The following PPM1L variants were observed in gnomAD, a reference collection of about 807,000 sequenced individuals.
PPM1L encodes the protein protein phosphatase 1L.
PPM1L carries 13 observed loss-of-function variants against 31.4 expected under a neutral mutation model. The observed-to-expected ratio is 0.41, with a 90% CI of 0.27 to 0.66. The LOEUF (loss-of-function observed/expected upper bound fraction) is 0.66, where lower values mean the gene tolerates loss of function less well. PPM1L is among the 30% of genes least tolerant of loss of function. The pLI is 0.29. For missense variants in PPM1L, 326 were observed against 453.7 expected (o/e 0.72, Z 2.56); for synonymous variants, 184 against 175.4 (o/e 1.05, Z -0.39).
chr3:160,800,565 TTC>T (rs1421616029), intron 1 of PPM1L, among the ~76,000 whole-genome samples: 1 of 152,204 alleles, frequency 6.6e-6, no homozygotes, highest in Non-Finnish European at 1.5e-5. Flanking sequence ...CTGAGTTTTT[TTC>T]TTTTTTCTTT....
At chr3:161,064,739 CG>C (rs1719672430) in intron 2 of PPM1L, among the ~76,000 whole-genome samples, 1 of 152,094 alleles carries the variant, frequency 6.6e-6, no homozygotes, top group Non-Finnish European at 1.5e-5. Flanking sequence ...CAGGCAAGCA[CG>C]TCTTCAATCT....
Position 160,790,391 on chromosome 3 carries a change from G to C in PPM1L, c.399+33684G>C, listed in dbSNP as rs544497314. On this transcript the variant is annotated intron_variant, in intron 1 of 3. Coordinates refer to ENST00000498165, the MANE Select transcript of PPM1L (RefSeq NM_139245.4). ...GTAATGTATAAAAGTATTTTATCAG[G>C]GTATAAATGCAGCACAGTTTTTGCA... Among the ~76,000 whole-genome samples the C allele has an allele frequency of 1.2e-4, 18 of 152,038 alleles. No homozygotes were observed. In the South Asian group the frequency reaches 3.3e-3, roughly 28 times the overall value.
chr3:160,795,391 A>G (rs1010104189), intron 1 of PPM1L, among the ~76,000 whole-genome samples: 12 of 152,174 alleles, frequency 7.9e-5, no homozygotes, highest in African/African-American at 2.9e-4. Flanking sequence ...CCTTTAGATG[A>G]TAGTGGCAAC....
intron 1 of PPM1L, among the ~76,000 whole-genome samples, chr3:160,879,206 T>C (rs368736758): frequency 3.3e-5 from 5 of 152,164 alleles, no homozygotes; most frequent in African/African-American, 1.2e-4. Flanking sequence ...GAGAAAGAAA[T>C]GCTACCTTTT....
chr3:160,782,221 T>C (rs1250810919), intron 1 of PPM1L, among the ~76,000 whole-genome samples: 1 of 152,174 alleles, frequency 6.6e-6, no homozygotes, highest in Admixed American at 6.5e-5. Flanking sequence ...CATAGGAGCC[T>C]GTCTTCCGCA....
intron 1 of PPM1L, among the ~76,000 whole-genome samples, chr3:160,948,083 C>T (rs1049227616): frequency 2.6e-5 from 4 of 152,056 alleles, no homozygotes; most frequent in African/African-American, 9.7e-5. Context: ...AGCACATAGT[C>T]GACATCCAAT....
At position 160,882,005 on chromosome 3, in the gene PPM1L, T is replaced by C. The variant is rs146686990; in HGVS notation, c.400-79731T>C. ...AGCGGAGCTTGCAGTGAGCTGAGAT[T>C]GCACCACTGCACTCCAGCCTAGGGG... On this transcript the variant is annotated intron_variant, in intron 1 of 3. Transcript: ENST00000498165. Among the ~76,000 whole-genome samples, 513 of 150,928 alleles carry C rather than the reference T, an allele frequency of 3.4e-3. 1 individual carries two copies. Among genetic ancestry groups the C allele is most frequent in the Non-Finnish European group, 5.6e-3 (378 of 67,898 alleles).
In PPM1L at chr3:161,073,342, A is replaced by C. The variant is rs1246243716; in HGVS notation, c.*4185A>C. 6.6e-6 allele frequency: 1 copy of C among 152,180 alleles called. No individual in the cohort carries two copies. The highest frequency in any genetic ancestry group is 1.5e-5 in the Non-Finnish European group (1 of 68,036). 9.4% of individuals were successfully genotyped at this position (152,180 alleles called of 1,614,324 possible). A position where few individuals can be genotyped will look rare whatever the true frequency, so the allele number is the denominator to read the frequency against. On this transcript the variant is annotated 3_prime_UTR_variant, in exon 4 of 4. Transcript: ENST00000498165. ...AACACTGCAAGGAACTTGTGTTCTA[A>C]AGAACACCCTTTGGGAAATTCTGGT...
chr3:161,069,184 G>T lies in PPM1L; in HGVS notation c.*27G>T. ...CCCTTCAGGGGTCTCAGCTGCCTTA[G>T]ACTAAAGGACTTTCAACACACTGGT... On this transcript the variant is annotated 3_prime_UTR_variant, in exon 4 of 4. Transcript: ENST00000498165. 1 of 1,524,114 alleles carries T rather than the reference G, an allele frequency of 6.6e-7. No individual in the cohort carries two copies. The highest frequency in any genetic ancestry group is 1.2e-5 in the South Asian group (1 of 83,426). 94.4% of individuals were successfully genotyped at this position (1,524,114 alleles called of 1,614,324 possible).
At chr3:160,956,443 T>C (rs551686478) in intron 1 of PPM1L, among the ~76,000 whole-genome samples, 1 of 152,338 alleles carries the variant, frequency 6.6e-6, no homozygotes, top group South Asian at 2.1e-4. Context: ...TGGCTAAACA[T>C]AGAGCTGAAA....
Position 160,756,539 on chromosome 3 carries a change from G to A in PPM1L, c.231G>A (p.Val77=), listed in dbSNP as rs769534982. The A allele has an allele frequency of 1.1e-5, 17 of 1,614,132 alleles. No homozygotes were observed. Among genetic ancestry groups the A allele is most frequent in the Admixed American group, 1.0e-4 (6 of 60,024 alleles). Residue 77 remains valine, a synonymous_variant, in exon 1 of 4, where the codon GTG becomes GTA. Transcript: ENST00000498165. The surrounding 1 kb of genome is among the most constrained non-coding windows in gnomAD (Gnocchi z 6.2). ...MQNDRLGGLD[V]LEAEFSKTWE... ...ACGATCGACTCGGGGGGCTTGATGT[G>A]CTCGAGGCCGAGTTTTCCAAGACCT...
intron 1 of PPM1L, among the ~76,000 whole-genome samples, chr3:160,787,060 G>A (rs776314366): frequency 4.6e-5 from 7 of 152,032 alleles, no homozygotes; most frequent in Admixed American, 6.6e-5. Flanking sequence ...TGCTGCAGTC[G>A]ACACACACAT....
chr3:160,835,073 C>CTTCTTCTTCTTCTTCTTTCTTCTTT (rs1713665056), intron 1 of PPM1L, among the ~76,000 whole-genome samples: 1 of 140,566 alleles, frequency 7.1e-6, no homozygotes, highest in African/African-American at 3.0e-5. Context: ...TCTTCTTCTT[C>CTTCTTCTTCTTCTTCTTTCTTCTTT]TTCTTCTTCT....
At chr3:160,804,055 C>T (rs574401414) in intron 1 of PPM1L, among the ~76,000 whole-genome samples, 23 of 152,012 alleles carry the variant, frequency 1.5e-4, no homozygotes, top group African/African-American at 4.3e-4. Context: ...GTATCTGGGA[C>T]TACAGGCGCC....
intron 2 of PPM1L, among the ~76,000 whole-genome samples, chr3:160,978,504 T>C (rs1716681626): frequency 6.6e-6 from 1 of 152,094 alleles, no homozygotes; most frequent in Non-Finnish European, 1.5e-5. Flanking sequence ...TGTGAGCCCA[T>C]CTTATGGTCA....
chr3:160,794,673 A>G (rs1183966964), intron 1 of PPM1L, among the ~76,000 whole-genome samples: 1 of 152,190 alleles, frequency 6.6e-6, no homozygotes, highest in Non-Finnish European at 1.5e-5. Flanking sequence ...TGTTATCTTC[A>G]CTTTATAACA....
At chr3:160,896,406 G>T (rs915020296) in intron 1 of PPM1L, among the ~76,000 whole-genome samples, 1 of 151,716 alleles carries the variant, frequency 6.6e-6, no homozygotes, top group Non-Finnish European at 1.5e-5. Flanking sequence ...TTCTCTCTAG[G>T]TGATCATATT....
At chr3:160,764,594 G>A (rs1475451383) in intron 1 of PPM1L, among the ~76,000 whole-genome samples, 1 of 149,912 alleles carries the variant, frequency 6.7e-6, no homozygotes, top group Non-Finnish European at 1.5e-5. Context: ...AGCCTCCTGA[G>A]TAGCTGGGAT....
intron 2 of PPM1L, among the ~76,000 whole-genome samples, chr3:161,015,198 C>G (rs571908401): frequency 6.7e-6 from 1 of 150,042 alleles, no homozygotes; most frequent in South Asian, 2.1e-4. Context: ...AATTAATAAT[C>G]ATGCGCTATC....
Sources: gnomAD v4.1 joint callset for allele counts (sites outside exome capture counted in the v4.1 genomes callset) on GRCh38, gnomAD v4.1.1 for gene constraint, Gnocchi (gnomAD v3.1) non-coding constraint, MANE v1.5 for transcripts, NCBI Gene and HGNC (gene_info 2026-07-23, HGNC 2026-07-21) for gene names.